Variants in ZNF354C observed in about 807,000 individuals in gnomAD.
ZNF354C encodes zinc finger protein 354C.
In ZNF354C, 7 loss-of-function variants were observed where a neutral mutation model predicts 12.4. The observed-to-expected ratio is 0.56, with a 90% CI of 0.32 to 1.06. The LOEUF (loss-of-function observed/expected upper bound fraction) is 1.06, where lower values mean the gene tolerates loss of function less well. Ranked by LOEUF, ZNF354C falls within the 50% of genes least tolerant of loss-of-function variation. The probability of loss-of-function intolerance (pLI) is 0.04; values close to 1 mark genes in which losing one functional copy is unlikely to be tolerated. For synonymous variants in ZNF354C, 202 were observed against 224.5 expected (o/e 0.90, Z 0.90); for missense variants, 609 against 658.0 (o/e 0.93, Z 0.81).
At chr5:179,076,376 CA>C in intron 2 of ZNF354C, 68 bp from the exon 3 acceptor site, 6 of 1,603,374 alleles carry the variant, frequency 3.7e-6, no homozygotes, top group Non-Finnish European at 4.3e-6. Flanking sequence ...ATCCCACTGT[CA>C]CTTTCTTCCT....
At position 179,082,836 on chromosome 5, in the gene ZNF354C, A is replaced by G; in HGVS notation, c.*2739A>G. ...CAACCGATCAGGTCGAGGAGCTGCA[A>G]CAGCCTTGGGGCCCTCACAGACTCG... On this transcript the variant is annotated 3_prime_UTR_variant, in exon 5 of 5. Transcript: ENST00000315475. 7.8e-7 allele frequency: 1 copy of G among 1,283,836 alleles called. No homozygotes were observed. Among genetic ancestry groups the G allele is most frequent in the East Asian group, 2.3e-5 (1 of 43,138 alleles). The allele number at this position is 1,283,836 out of a possible 1,614,324, so 79.5% of individuals were successfully genotyped here.
intron 2 of ZNF354C, among the ~76,000 whole-genome samples, chr5:179,071,145 C>T (rs1400808419): frequency 3.9e-5 from 6 of 152,098 alleles, no homozygotes; most frequent in African/African-American, 1.4e-4. Flanking sequence ...GCCACTGTGC[C>T]TGACCCTGAT....
In ZNF354C at chr5:179,080,087, A is replaced by G. The variant is rs1762204281; in HGVS notation, c.1655A>G (p.Tyr552Cys). The change falls in exon 5 of 5, where the codon TAT becomes TGT. Residue 552 changes from tyrosine to cysteine, a missense_variant. Tyr to Cys is a radical substitution (Grantham distance 194). Transcript: ENST00000315475. Reference sequence around the variant, plus strand: ...AGATTTTTTAAAGGAGATAAAGCCTATGAGGTTTAGTTCATCTCTCAAATA... The same window carrying G: ...AGATTTTTTAAAGGAGATAAAGCCTGTGAGGTTTAGTTCATCTCTCAAATA... ...YQRFFKGDKA[Y>C]EV 3 of 1,569,146 alleles carry G rather than the reference A, an allele frequency of 1.9e-6. No individual in the cohort carries two copies. The highest frequency in any genetic ancestry group is 2.2e-5 in the East Asian group (1 of 44,718).
At position 179,082,890 on chromosome 5, in the gene ZNF354C, G is replaced by A. The variant is rs969498244; in HGVS notation, c.*2793G>A. On this transcript the variant is annotated 3_prime_UTR_variant, in exon 5 of 5. Coordinates refer to ENST00000315475, the MANE Select transcript of ZNF354C (RefSeq NM_014594.3). ...AACATTCCAGGCACTGCACTTGCCA[G>A]TGCGCTGATGAAGAATCACGGAGAA... is the stretch of plus-strand genomic sequence containing the variant. 2.1e-5 allele frequency: 22 copies of A among 1,033,904 alleles called. No homozygotes were observed. Among genetic ancestry groups the A allele is most frequent in the Admixed American group, 1.7e-4 (10 of 58,304 alleles). 64.0% of individuals were successfully genotyped at this position (1,033,904 alleles called of 1,614,324 possible).
Position 179,064,304 on chromosome 5 carries a change from C to T in ZNF354C, c.27+2209C>T, listed in dbSNP as rs939932743. Among the ~76,000 whole-genome samples, 5 of 151,972 alleles carry T rather than the reference C, an allele frequency of 3.3e-5. No homozygotes were observed. In the East Asian group the frequency reaches 5.8e-4, roughly 18 times the overall value. On this transcript the variant is annotated intron_variant, in intron 2 of 4. Transcript: ENST00000315475. Reference sequence around the variant, plus strand: ...TCGCCCAGGCTGGAGTACAGTGGTGCGATCTCGGCTCACTGCAGGCTGGAA... The same window carrying T: ...TCGCCCAGGCTGGAGTACAGTGGTGTGATCTCGGCTCACTGCAGGCTGGAA...
chr5:179,064,416 T>G (rs988925955), intron 2 of ZNF354C, among the ~76,000 whole-genome samples: 8 of 150,258 alleles, frequency 5.3e-5, no homozygotes, highest in African/African-American at 1.7e-4. Context: ...GGCCAATATG[T>G]AACCCCCCTT....
At chr5:179,075,116 G>A (rs534141889) in intron 2 of ZNF354C, among the ~76,000 whole-genome samples, 16 of 151,904 alleles carry the variant, frequency 1.1e-4, no homozygotes, top group African/African-American at 1.7e-4. Context: ...AAAATTAGCC[G>A]GGTGTGGTGG....
Position 179,082,940 on chromosome 5 carries a change from C to A in ZNF354C, c.*2843C>A, listed in dbSNP as rs1308316209. 7.9e-6 allele frequency: 7 copies of A among 888,044 alleles called. No homozygotes were observed. Among genetic ancestry groups the A allele is most frequent in the Non-Finnish European group, 1.3e-5 (7 of 528,148 alleles). 55.0% of individuals were successfully genotyped at this position (888,044 alleles called of 1,614,324 possible). ...ACTCCACCTCATCTCCTGCCTGGAGCTCAAGGCCATCCTCAACTTCTTTCA... is the reference window on the plus strand; with the variant it reads ...ACTCCACCTCATCTCCTGCCTGGAGATCAAGGCCATCCTCAACTTCTTTCA... On this transcript the variant is annotated 3_prime_UTR_variant, in exon 5 of 5. Transcript: ENST00000315475.
rs879830926 is a variant in ZNF354C, at chr5:179,082,465, CT to C, written c.*2376del. On this transcript the variant is annotated 3_prime_UTR_variant, in exon 5 of 5. Coordinates refer to ENST00000315475, the MANE Select transcript of ZNF354C (RefSeq NM_014594.3). ...CCAGAGTTGGTATAGGACAACTGGA[CT>C]TTTTTTTATATATTTATTTTAAAAT... 2.2e-4 allele frequency: 118 copies of C among 533,066 alleles called. No homozygotes were observed. Among genetic ancestry groups the C allele is most frequent in the Non-Finnish European group, 1.3e-4 (40 of 302,052 alleles). The allele number at this position is 533,066 out of a possible 1,614,324, so 33.0% of individuals were successfully genotyped here. A position where few individuals can be genotyped will look rare whatever the true frequency, so the allele number is the denominator to read the frequency against.
At position 179,083,483 on chromosome 5, in the gene ZNF354C, TTTTTC is replaced by T. The variant is rs1762256550; in HGVS notation, c.*3388_*3392del. ...GGATGTTCATTGGTCATTTAAAACATTTTTCTATGTGTGTCAATTTTTAATAAAAA... is the reference window on the plus strand; with the variant it reads ...GGATGTTCATTGGTCATTTAAAACATTATGTGTGTCAATTTTTAATAAAAA... On this transcript the variant is annotated 3_prime_UTR_variant, in exon 5 of 5. Transcript: ENST00000315475. 1 of 152,094 alleles carries T rather than the reference TTTTTC, an allele frequency of 6.6e-6. No homozygotes were observed. Among genetic ancestry groups the T allele is most frequent in the South Asian group, 2.1e-4 (1 of 4,828 alleles). The allele number at this position is 152,094 out of a possible 1,614,324, so 9.4% of individuals were successfully genotyped here.
chr5:179,069,573 A>AC (rs1036181076), intron 2 of ZNF354C, among the ~76,000 whole-genome samples: 1 of 150,048 alleles, frequency 6.7e-6, no homozygotes, highest in African/African-American at 2.5e-5. Flanking sequence ...AAAAAAAAAA[A>AC]AAAAAAGAAA....
chr5:179,062,068 G>A lies in ZNF354C; in HGVS notation c.-1G>A. Reference sequence around the variant, plus strand: ...TGGGCAGGAAGACTGAGGAGGAAGGGATGGCTGTGGATCTGCTGTCTGCTC... The same window carrying A: ...TGGGCAGGAAGACTGAGGAGGAAGGAATGGCTGTGGATCTGCTGTCTGCTC... On this transcript the variant is annotated 5_prime_UTR_variant, in exon 2 of 5. Coordinates refer to ENST00000315475, the MANE Select transcript of ZNF354C (RefSeq NM_014594.3). 2 of 1,614,184 alleles carry A rather than the reference G, an allele frequency of 1.2e-6. No individual in the cohort carries two copies. The highest frequency in any genetic ancestry group is 1.7e-6 in the Non-Finnish European group (2 of 1,180,034).
At chr5:179,063,614 T>C (rs996889853) in intron 2 of ZNF354C, among the ~76,000 whole-genome samples, 2 of 152,242 alleles carry the variant, frequency 1.3e-5, no homozygotes, top group Non-Finnish European at 2.9e-5. Flanking sequence ...AGCCAGGTTC[T>C]ATGTATTACT....
At chr5:179,061,321 G>A (rs1269685039) in intron 1 of ZNF354C, among the ~76,000 whole-genome samples, 1 of 152,188 alleles carries the variant, frequency 6.6e-6, no homozygotes, top group African/African-American at 2.4e-5. Flanking sequence ...TCCCACCTGG[G>A]GTTGGTGTTT....
rs1428070872 is a variant in ZNF354C at position 179,083,627 on chromosome 5, T to C, written c.*3530T>C. The C allele has an allele frequency of 2.0e-5, 3 of 152,230 alleles. No individual in the cohort carries two copies. The highest frequency in any genetic ancestry group is 7.2e-5 in the African/African-American group (3 of 41,454). The allele number at this position is 152,230 out of a possible 1,614,324, so 9.4% of individuals were successfully genotyped here. A position where few individuals can be genotyped will look rare whatever the true frequency, so the allele number is the denominator to read the frequency against. Reference sequence around the variant, plus strand: ...AGTTTATCCTCCAGGGATGTAATCATTGGCAATAAAGTAACTAGGTGGTAC... The same window carrying C: ...AGTTTATCCTCCAGGGATGTAATCACTGGCAATAAAGTAACTAGGTGGTAC... On this transcript the variant is annotated 3_prime_UTR_variant, in exon 5 of 5. Transcript: ENST00000315475.
Position 179,076,428 on chromosome 5 carries a change from T to G in ZNF354C, c.28-17T>G. 6.2e-7 allele frequency: 1 copy of G among 1,614,144 alleles called. No homozygotes were observed. The highest frequency in any genetic ancestry group is 8.5e-7 in the Non-Finnish European group (1 of 1,180,004). On this transcript the variant is annotated splice_polypyrimidine_tract_variant and intron_variant, in intron 2 of 4. Coordinates refer to ENST00000315475, the MANE Select transcript of ZNF354C (RefSeq NM_014594.3). ...GAAGATGGTCCTGGGTGAGCAGGTA[T>G]GGGTTTGCCATTACAGGAGCCTGTG...
chr5:179,078,634 G>C, intron 4 of ZNF354C, 49 bp from the exon 5 acceptor site: 2 of 1,470,838 alleles, frequency 1.4e-6, no homozygotes, highest in Non-Finnish European at 1.8e-6. Context: ...CGATACATCA[G>C]TTTGTTTCTT....
chr5:179,082,501 A>C lies in ZNF354C; in HGVS notation c.*2404A>C. The C allele has an allele frequency of 1.7e-6, 1 of 577,204 alleles. No homozygotes were observed. Among genetic ancestry groups the C allele is most frequent in the Non-Finnish European group, 3.1e-6 (1 of 325,548 alleles). 35.8% of individuals were successfully genotyped at this position (577,204 alleles called of 1,614,324 possible). ...ATATTTATTTTAAAATGGTTTTCTT[A>C]AATTTATTTTTTTAAACATAACACG... On this transcript the variant is annotated 3_prime_UTR_variant, in exon 5 of 5. Transcript: ENST00000315475.
rs746830976 is a variant in ZNF354C, at chr5:179,079,329, G to A, written c.897G>A (p.Pro299=). The change falls in exon 5 of 5, where the codon CCG becomes CCA. Residue 299 remains proline (P), a synonymous_variant. Coordinates refer to ENST00000315475, the MANE Select transcript of ZNF354C (RefSeq NM_014594.3). The surrounding 1 kb of genome is among the most constrained non-coding windows in gnomAD (Gnocchi z 4.2). ...TGAGAGTGCATACTGGAGAGAAACC[G>A]TATCGATGTAGGGAATGTGGTAAAG... ...KHLRVHTGEK[P]YRCRECGKAF... The A allele has an allele frequency of 4.2e-5, 67 of 1,613,924 alleles. No homozygotes were observed. The highest frequency in any genetic ancestry group is 8.0e-5 in the African/African-American group (6 of 74,864).
Sources: allele counts gnomAD v4.1 joint callset (sites outside exome capture counted in the v4.1 genomes callset), GRCh38; gene constraint gnomAD v4.1.1; non-coding constraint Gnocchi (gnomAD v3.1); transcripts MANE v1.5; gene names NCBI Gene and HGNC (gene_info 2026-07-23, HGNC 2026-07-21).